Variants in NLGN3 observed in about 807,000 individuals in gnomAD.
NLGN3 encodes the protein neuroligin 3.
NLGN3 carries 11 observed loss-of-function variants against 42.9 expected under a neutral mutation model. The observed-to-expected ratio is 0.26, with a 90% confidence interval of 0.16 to 0.42. The LOEUF (loss-of-function observed/expected upper bound fraction) is 0.42. Ranked by LOEUF, NLGN3 falls within the 10% of genes least tolerant of loss-of-function variation. The pLI, the probability that NLGN3 is intolerant of heterozygous loss-of-function variation, is 1.00. For synonymous variants in NLGN3, 279 were observed against 312.7 expected, an observed-to-expected ratio of 0.89 and a Z score of 1.14; for missense variants, 374 against 733.8, an observed-to-expected ratio of 0.51 and a Z score of 5.67.
intron 5 of NLGN3, among the ~76,000 whole-genome samples, chrX:71,162,596 T>G (rs990159068): frequency 1.8e-5 from 2 of 112,312 alleles, no homozygotes; most frequent in African/African-American, 6.5e-5. Flanking sequence ...AGAGGACTTG[T>G]GACTAGGGCC....
chrX:71,152,295 G>A (rs2092393933), intron 3 of NLGN3, among the ~76,000 whole-genome samples: 1 of 110,761 alleles, frequency 9.0e-6, no homozygotes, highest in Non-Finnish European at 1.9e-5. Context: ...CTTAGCCCCA[G>A]ATCCTAAATG....
intron 2 of NLGN3, 123 bp downstream of exon 2, chrX:71,148,329 C>T (rs1450995608): frequency 1.7e-6 from 1 of 575,792 alleles, no homozygotes; most frequent in African/African-American, 2.3e-5. Flanking sequence ...TGCTTCTAAC[C>T]ATCACTCTGC....
chrX:71,150,553 T>A (rs2092386831), intron 3 of NLGN3, among the ~76,000 whole-genome samples: 1 of 108,617 alleles, frequency 9.2e-6, no homozygotes, highest in Admixed American at 9.8e-5. Context: ...ATACAAAAAA[T>A]TAGCTGGGCG....
chrX:71,167,099 G>A lies in NLGN3; in HGVS notation c.1002G>A (p.Leu334=), dbSNP rs1265124090. The A allele has an allele frequency of 1.1e-5, 13 of 1,211,819 alleles. No individual in the cohort carries two copies. The highest frequency in any genetic ancestry group is 1.5e-5 in the Non-Finnish European group (13 of 895,416). The change falls in exon 7 of 8, where the codon CTG becomes CTA. Residue 334 remains leucine, a synonymous_variant. Transcript: ENST00000358741. ...NYQPVKYTSL[L]ADKVGCNVLD... ...AACCAGTGAAGTACACCAGCCTGCT[G>A]GCAGACAAAGTGGGCTGTAATGTGC...
At position 71,170,790 on chromosome X, in the gene NLGN3, G is replaced by T. The variant is rs972276155; in HGVS notation, c.*693G>T. 1.1e-5 allele frequency: 8 copies of T among 754,622 alleles called. No individual in the cohort carries two copies. The highest frequency in any genetic ancestry group is 1.2e-5 in the Non-Finnish European group (8 of 640,244). The allele number at this position is 754,622 out of a possible 1,213,427, so 62.2% of individuals were successfully genotyped here. On this transcript the variant is annotated 3_prime_UTR_variant, in exon 8 of 8. Coordinates refer to ENST00000358741, the MANE Select transcript of NLGN3 (RefSeq NM_181303.2). ...TAGCACTGGATGGAGCTGGAGGGTC[G>T]TAGGGGAGAGATCTCCAACTCTCTC...
chrX:71,171,076 G>GT lies in NLGN3; in HGVS notation c.*979_*980insT. On this transcript the variant is annotated 3_prime_UTR_variant, in exon 8 of 8. Transcript: ENST00000358741. ...AAAGGCGGTGTTTTTTGTTGTTGTT[G>GT]GTTTTTTTTTTTTTTTAAAGAAAAG... is the stretch of plus-strand genomic sequence containing the variant. 4.0e-6 allele frequency: 3 copies of GT among 742,492 alleles called. No homozygotes were observed. The highest frequency in any genetic ancestry group is 4.7e-6 in the Non-Finnish European group (3 of 632,448). The allele number at this position is 742,492 out of a possible 1,213,427, so 61.2% of individuals were successfully genotyped here.
At chrX:71,174,737 G>A (rs1055618696), downstream of NLGN3, among the ~76,000 whole-genome samples, 2 of 112,133 alleles carry the variant, frequency 1.8e-5, no homozygotes, top group Non-Finnish European at 3.8e-5. Context: ...TTCTTAACTG[G>A]TTGAATGACT....
chrX:71,169,885 C>A lies in NLGN3; in HGVS notation c.2335C>A (p.Pro779Thr), dbSNP rs766078372. The A allele has an allele frequency of 5.0e-6, 6 of 1,196,072 alleles. No homozygotes were observed. The African/African-American group carries it at 1.1e-4, about 21-fold the overall frequency. The change falls in exon 8 of 8, where the codon CCC becomes ACC. Residue 779 changes from proline (P) to threonine (T), a missense_variant. By Grantham distance (38) the Pro-to-Thr change is conservative. This residue lies in a region of NLGN3 where 92 missense variants were observed against 108.0 expected (regional missense o/e 0.85). Transcript: ENST00000358741. ...CACCCACCACGAGTGTGAGGCCGGT[C>A]CCCCCCATGACACGCTGCGCCTCAC... is the stretch of plus-strand genomic sequence containing the variant. ...GPTHHECEAG[P>T]PHDTLRLTAL...
chrX:71,145,226 A>G (rs1401756505), intron 1 of NLGN3, among the ~76,000 whole-genome samples: 5 of 107,023 alleles, frequency 4.7e-5, no homozygotes, highest in South Asian at 8.7e-4. Flanking sequence ...GCTCATCAAA[A>G]TACCCCTATT....
intron 6 of NLGN3, 148 bp downstream of exon 6, chrX:71,164,476 TCTC>T (rs2092440385): frequency 3.6e-6 from 2 of 556,206 alleles, no homozygotes; most frequent in Non-Finnish European, 5.6e-6. Context: ...GAGAAATGTT[TCTC>T]TGGGAGAAGT....
chrX:71,150,929 G>A (rs1005370333), intron 3 of NLGN3, among the ~76,000 whole-genome samples: 2 of 111,410 alleles, frequency 1.8e-5, no homozygotes, highest in African/African-American at 6.5e-5. Flanking sequence ...GCTAGGTGTT[G>A]TTGGGATGTG....
At chrX:71,171,333 G>A (rs981178529), downstream of NLGN3, 9 of 118,289 alleles carry the variant, frequency 7.6e-5, no homozygotes, top group East Asian at 3.3e-4. Context: ...TGCACTGTGC[G>A]GGGTTGGGGG....
intron 6 of NLGN3, 54 bp from the exon 7 acceptor site, chrX:71,166,957 T>G: frequency 9.6e-7 from 1 of 1,046,258 alleles, no homozygotes; most frequent in Non-Finnish European, 1.3e-6. Flanking sequence ...ATGAAGAGAT[T>G]TATGGCTATG....
At chrX:71,164,499 A>G (rs58667264) in intron 6 of NLGN3, among the ~76,000 whole-genome samples, 171 bp downstream of exon 6, 5,291 of 112,826 alleles carry the variant, frequency 0.047, 316 homozygotes, top group African/African-American at 0.16. Flanking sequence ...TACTTCTCCC[A>G]AAGCTGGAGA....
chrX:71,159,350 A>G (rs1201954725), intron 5 of NLGN3, among the ~76,000 whole-genome samples: 2 of 111,348 alleles, frequency 1.8e-5, no homozygotes, highest in African/African-American at 6.6e-5. Flanking sequence ...AAAGAAAAAG[A>G]AAAGAAAAGA....
At chrX:71,163,943 G>A in intron 5 of NLGN3, among the ~76,000 whole-genome samples, 200 bp from the exon 6 acceptor site, 1 of 112,848 alleles carries the variant, frequency 8.9e-6, no homozygotes, top group Admixed American at 9.3e-5. Flanking sequence ...TAACAGGTGG[G>A]AGGCAGGGAG....
In NLGN3 at chrX:71,170,262, T is replaced by C; in HGVS notation, c.*165T>C. On this transcript the variant is annotated 3_prime_UTR_variant, in exon 8 of 8. Transcript: ENST00000358741. ...ATCCACCTGCACAAACATAGACAGATGTGGACATGCACCCGCATGTACAAA... is the reference window on the plus strand; with the variant it reads ...ATCCACCTGCACAAACATAGACAGACGTGGACATGCACCCGCATGTACAAA... The C allele has an allele frequency of 4.4e-6, 5 of 1,133,854 alleles. No individual in the cohort carries two copies. Among genetic ancestry groups the C allele is most frequent in the Non-Finnish European group, 5.8e-6 (5 of 860,500 alleles). The allele number at this position is 1,133,854 out of a possible 1,213,427, so 93.4% of individuals were successfully genotyped here. A position where few individuals can be genotyped will look rare whatever the true frequency, so the allele number is the denominator to read the frequency against.
At position 71,170,818 on chromosome X, in the gene NLGN3, T is replaced by G; in HGVS notation, c.*721T>G. 1 of 756,221 alleles carries G rather than the reference T, an allele frequency of 1.3e-6. No homozygotes were observed. Among genetic ancestry groups the G allele is most frequent in the East Asian group, 1.5e-4 (1 of 6,659 alleles). 62.3% of individuals were successfully genotyped at this position (756,221 alleles called of 1,213,427 possible). A position where few individuals can be genotyped will look rare whatever the true frequency, so the allele number is the denominator to read the frequency against. On this transcript the variant is annotated 3_prime_UTR_variant, in exon 8 of 8. Coordinates refer to ENST00000358741, the MANE Select transcript of NLGN3 (RefSeq NM_181303.2). ...GGGGAGAGATCTCCAACTCTCTCTG[T>G]GTCCGTGTGGAGGGCTGCAGAGCCT...
chrX:71,162,566 C>T (rs1272080292), intron 5 of NLGN3, among the ~76,000 whole-genome samples: 4 of 112,292 alleles, frequency 3.6e-5, no homozygotes, highest in Non-Finnish European at 7.5e-5. Flanking sequence ...CTCATTTCCT[C>T]CTCTGGAACC....
Sources: gnomAD v4.1 joint callset for allele counts (sites outside exome capture counted in the v4.1 genomes callset) on GRCh38, gnomAD v4.1.1 for gene constraint, gnomAD v4.1.1 regional missense constraint, MANE v1.5 for transcripts, NCBI Gene and HGNC (gene_info 2026-07-23, HGNC 2026-07-21) for gene names.